KCTD16: variants seen among roughly 807,000 people sequenced by gnomAD.
The protein encoded by KCTD16 is potassium channel tetramerization domain containing 16.
In KCTD16, 13 loss-of-function variants were observed where a neutral mutation model predicts 33.2. The ratio of observed to expected loss-of-function variants is 0.39; its 90% CI spans 0.25 to 0.62. The LOEUF is 0.62. KCTD16 is among the 20% of genes least tolerant of loss of function. The probability of loss-of-function intolerance (pLI) is 0.50; values close to 1 mark genes in which losing one functional copy is unlikely to be tolerated. For synonymous variants in KCTD16, 197 were observed against 195.3 expected (o/e 1.01, Z -0.07); for missense variants, 441 against 525.1 (o/e 0.84, Z 1.57).
chr5:144,226,574 AT>A (rs933496185), intron 3 of KCTD16, among the ~76,000 whole-genome samples: 6 of 149,582 alleles, frequency 4.0e-5, no homozygotes, highest in African/African-American at 7.7e-5. Flanking sequence ...AGAAAAAAAA[AT>A]ATGTCTTTTT....
At chr5:144,441,067 G>A (rs1019183655) in intron 3 of KCTD16, among the ~76,000 whole-genome samples, 2 of 152,106 alleles carry the variant, frequency 1.3e-5, no homozygotes, top group African/African-American at 4.8e-5. Flanking sequence ...ACTATCTGTA[G>A]ATCTTTGGAT....
rs561526065 is a variant in KCTD16, at chr5:144,293,525, A to T, written c.832+85979A>T. 2.0e-5 allele frequency among the ~76,000 whole-genome samples: 3 copies of T among 152,338 alleles called. No individual in the cohort carries two copies. In the East Asian group the frequency reaches 5.8e-4, roughly 29 times the overall value. On this transcript the variant is annotated intron_variant, in intron 3 of 3. Coordinates refer to ENST00000512467, the MANE Select transcript of KCTD16 (RefSeq NM_020768.4). The stretch of plus-strand genomic sequence containing the variant: ...TCTTATGGCATTACTCTCTCTGACC[A>T]TATCCATTGCTGAAATTCTATTTTA...
intron 2 of KCTD16, among the ~76,000 whole-genome samples, chr5:144,195,252 C>T (rs1385933342): frequency 6.6e-6 from 1 of 152,110 alleles, no homozygotes; most frequent in Non-Finnish European, 1.5e-5. Context: ...TGCCTTTGGC[C>T]CAAGATTTCT....
intron 3 of KCTD16, among the ~76,000 whole-genome samples, chr5:144,347,223 A>C (rs1752826282): frequency 6.6e-6 from 1 of 152,176 alleles, no homozygotes; most frequent in Admixed American, 6.5e-5. Context: ...ATACATTTAA[A>C]TTTAAATAGC....
At chr5:144,439,042 TTC>T (rs1343286127) in intron 3 of KCTD16, among the ~76,000 whole-genome samples, 4 of 151,900 alleles carry the variant, frequency 2.6e-5, no homozygotes, top group Non-Finnish European at 5.9e-5. Flanking sequence ...TGTTTTTTTT[TTC>T]TTTTTTTCTG....
chr5:144,431,467 G>A lies in KCTD16; in HGVS notation c.833-42193G>A, dbSNP rs77036813. ...TAGTTAAATAATTTACCAGTGCACA[G>A]CTTACTAATGGAATCAAGTTTGGCT... On this transcript the variant is annotated intron_variant, in intron 3 of 3. Coordinates refer to ENST00000512467, the MANE Select transcript of KCTD16 (RefSeq NM_020768.4). Among the ~76,000 whole-genome samples the A allele has an allele frequency of 2.0e-5, 3 of 152,226 alleles. No individual in the cohort carries two copies. The East Asian group carries it at 5.8e-4, about 29-fold the overall frequency.
intron 3 of KCTD16, among the ~76,000 whole-genome samples, chr5:144,320,807 T>C (rs893008114): frequency 6.6e-6 from 1 of 152,034 alleles, no homozygotes; most frequent in African/African-American, 2.4e-5. Flanking sequence ...AATAGATGGT[T>C]CAGACCATAA....
At chr5:144,255,032 T>C (rs964142985) in intron 3 of KCTD16, among the ~76,000 whole-genome samples, 1 of 152,128 alleles carries the variant, frequency 6.6e-6, no homozygotes, top group African/African-American at 2.4e-5. Context: ...CCTAAGGTGC[T>C]GGGATTACAG....
At chr5:144,219,447 C>T (rs1015076224) in intron 3 of KCTD16, among the ~76,000 whole-genome samples, 6 of 148,984 alleles carry the variant, frequency 4.0e-5, no homozygotes, top group Admixed American at 3.3e-4. Flanking sequence ...CTCCTGACCT[C>T]AGGTGATCTG....
intron 2 of KCTD16, among the ~76,000 whole-genome samples, chr5:144,194,284 A>G (rs1276995060): frequency 6.6e-6 from 1 of 152,248 alleles, no homozygotes. Flanking sequence ...AGATGGTGAC[A>G]CTGATAACTT....
chr5:144,335,024 C>T (rs983610700), intron 3 of KCTD16, among the ~76,000 whole-genome samples: 3 of 152,112 alleles, frequency 2.0e-5, no homozygotes, highest in African/African-American at 4.8e-5. Flanking sequence ...AAACGATTCC[C>T]CTGCCTTGAC....
chr5:144,385,251 C>T (rs986944342), intron 3 of KCTD16: 2 of 152,140 alleles, frequency 1.3e-5, no homozygotes, highest in Non-Finnish European at 2.9e-5. Flanking sequence ...TTTTTGTTTA[C>T]TCGTAGATGC....
intron 3 of KCTD16, among the ~76,000 whole-genome samples, chr5:144,335,414 G>T (rs534375019): frequency 1.3e-5 from 2 of 152,142 alleles, no homozygotes; most frequent in African/African-American, 2.4e-5. Flanking sequence ...AGAACTATAC[G>T]TGTGATAATG....
At chr5:144,416,874 T>C (rs759583995) in intron 3 of KCTD16, among the ~76,000 whole-genome samples, 8 of 152,190 alleles carry the variant, frequency 5.3e-5, no homozygotes, top group Non-Finnish European at 8.8e-5. Flanking sequence ...CAAAACTATA[T>C]GTGATATTGT....
At chr5:144,325,195 TAG>T (rs2126887230) in intron 3 of KCTD16, among the ~76,000 whole-genome samples, 1 of 152,318 alleles carries the variant, frequency 6.6e-6, no homozygotes, top group African/African-American at 2.4e-5. Context: ...GCTATTATAA[TAG>T]ACATGCACAG....
At chr5:144,380,441 A>G (rs1752188484) in intron 3 of KCTD16, among the ~76,000 whole-genome samples, 2 of 152,204 alleles carry the variant, frequency 1.3e-5, no homozygotes. Flanking sequence ...ATTCAATGCT[A>G]TTTATATCAA....
In KCTD16 at chr5:144,422,997, A is replaced by G. The variant is rs564160415; in HGVS notation, c.833-50663A>G. On this transcript the variant is annotated intron_variant, in intron 3 of 3. Coordinates refer to ENST00000512467, the MANE Select transcript of KCTD16 (RefSeq NM_020768.4). ...AAGATAGATAATGAAGTAGCAACTA[A>G]TCATTCTCCTAAGACTGTGACATTT... Among the ~76,000 whole-genome samples, 4 of 152,272 alleles carry G rather than the reference A, an allele frequency of 2.6e-5. No homozygotes were observed. In the South Asian group the frequency reaches 8.3e-4, roughly 32 times the overall value.
chr5:144,465,937 C>T (rs1379253037), intron 3 of KCTD16, among the ~76,000 whole-genome samples: 1 of 152,054 alleles, frequency 6.6e-6, no homozygotes, highest in Admixed American at 6.5e-5. Context: ...CTCCCGGGTT[C>T]AAGTGATTCT....
chr5:144,407,366 CTG>C (rs957801452), intron 3 of KCTD16, among the ~76,000 whole-genome samples: 6 of 149,634 alleles, frequency 4.0e-5, no homozygotes, highest in South Asian at 2.1e-4. Context: ...GTTTGAGTGA[CTG>C]TATTTTTTTT....
Sources: allele counts gnomAD v4.1 joint callset (sites outside exome capture counted in the v4.1 genomes callset), GRCh38; gene constraint gnomAD v4.1.1; transcripts MANE v1.5; gene names NCBI Gene and HGNC (gene_info 2026-07-23, HGNC 2026-07-21).